The following PRKACB variants were observed in gnomAD, a reference collection of about 807,000 sequenced individuals.
PRKACB encodes the protein protein kinase cAMP-activated catalytic subunit beta.
PRKACB carries 16 observed loss-of-function variants against 51.4 expected under a neutral mutation model. The ratio of observed to expected loss-of-function variants is 0.31; its 90% CI spans 0.21 to 0.47. The LOEUF (loss-of-function observed/expected upper bound fraction) is 0.47, where lower values mean the gene tolerates loss of function less well. PRKACB is among the 20% of genes least tolerant of loss of function. PRKACB has a pLI of 1.00. For missense variants in PRKACB, 309 were observed against 464.5 expected (o/e 0.67, Z 3.08); for synonymous variants, 147 against 154.4 (o/e 0.95, Z 0.35).
intron 5 of PRKACB, among the ~76,000 whole-genome samples, chr1:84,186,220 T>C (rs967486708): frequency 1.8e-4 from 1 of 5,566 alleles, no homozygotes; most frequent in Non-Finnish European, 2.3e-3. Flanking sequence ...TTTTTGTTTG[T>C]TTTTGGTTTT....
chr1:84,144,747 G>C (rs1653811496), intron 1 of PRKACB, among the ~76,000 whole-genome samples, 199 bp downstream of exon 1: 1 of 151,984 alleles, frequency 6.6e-6, no homozygotes, highest in South Asian at 2.1e-4. Flanking sequence ...ATCATTGTAT[G>C]GTTTTATTTT....
intron 1 of PRKACB, among the ~76,000 whole-genome samples, chr1:84,152,234 A>G (rs1162367468): frequency 6.6e-6 from 1 of 152,200 alleles, no homozygotes; most frequent in Non-Finnish European, 1.5e-5. Flanking sequence ...CAATGCTGCA[A>G]ACAGATATGG....
At chr1:84,166,067 T>A (rs570606725) in intron 1 of PRKACB, among the ~76,000 whole-genome samples, 2 of 151,832 alleles carry the variant, frequency 1.3e-5, no homozygotes, top group Admixed American at 6.6e-5. Flanking sequence ...CCTGCTACAG[T>A]ACAATATAAA....
chr1:84,235,681 A>G lies in PRKACB; in HGVS notation c.*376A>G, dbSNP rs575741094. On this transcript the variant is annotated 3_prime_UTR_variant, in exon 10 of 10. Transcript: ENST00000370685. ...GGCTACGTGATATTTGAAGGGAAGG[A>G]TAAGTGTTGCTTTCAGTAGTTATTG... is the stretch of plus-strand genomic sequence containing the variant. 3.7e-5 allele frequency: 6 copies of G among 164,266 alleles called. No individual in the cohort carries two copies. In the South Asian group the frequency reaches 1.1e-3, roughly 30 times the overall value. 10.2% of individuals were successfully genotyped at this position (164,266 alleles called of 1,614,324 possible). A position where few individuals can be genotyped will look rare whatever the true frequency, so the allele number is the denominator to read the frequency against.
intron 1 of PRKACB, among the ~76,000 whole-genome samples, chr1:84,127,349 C>T (rs1651709377): frequency 6.6e-6 from 1 of 152,042 alleles, no homozygotes; most frequent in Non-Finnish European, 1.5e-5. Context: ...CTTAAAATTA[C>T]CTATACGACA....
chr1:84,079,137 G>A (rs1405306835), intron 1 of PRKACB, among the ~76,000 whole-genome samples: 3 of 151,826 alleles, frequency 2.0e-5, no homozygotes, highest in African/African-American at 7.3e-5. Context: ...TTTCTGTATG[G>A]CGATAAGGTG....
At chr1:84,233,234 T>A (rs374518761) in intron 9 of PRKACB, among the ~76,000 whole-genome samples, 2 of 152,054 alleles carry the variant, frequency 1.3e-5, no homozygotes, top group African/African-American at 4.8e-5. Context: ...GAATGTTGAA[T>A]ATTGGCACCC....
chr1:84,169,569 T>C (rs888311284), intron 1 of PRKACB, among the ~76,000 whole-genome samples: 1 of 151,562 alleles, frequency 6.6e-6, no homozygotes, highest in Non-Finnish European at 1.5e-5. Flanking sequence ...ATAAAAATTA[T>C]AAGATGGAAA....
chr1:84,216,193 T>C (rs1198352426), intron 9 of PRKACB, among the ~76,000 whole-genome samples: 1 of 151,782 alleles, frequency 6.6e-6, no homozygotes, highest in Non-Finnish European at 1.5e-5. Flanking sequence ...ACAAAAATTA[T>C]CTGGGTATGA....
chr1:84,226,126 C>A (rs1328570407), intron 9 of PRKACB, among the ~76,000 whole-genome samples: 2 of 152,104 alleles, frequency 1.3e-5, no homozygotes, highest in African/African-American at 4.8e-5. Context: ...CCCTTGTTTA[C>A]CCTTTCCAAA....
chr1:84,182,287 A>G lies in PRKACB; in HGVS notation c.337A>G (p.Thr113Ala). 6.2e-7 allele frequency: 1 copy of G among 1,605,004 alleles called. No homozygotes were observed. The highest frequency in any genetic ancestry group is 2.3e-5 in the East Asian group (1 of 44,296). ...GRVMLVKHKA[T>A]EQYYAMKILD... ...AGTCATGTTGGTAAAACACAAAGCC[A>G]CTGAACAGTATTATGCCATGAAGAT... is the stretch of plus-strand genomic sequence containing the variant. Residue 113 changes from threonine (T) to alanine (A), a missense_variant, in exon 3 of 10, where the codon ACT (threonine) becomes GCT (alanine). This residue lies in a region of PRKACB where 153 missense variants were observed against 190.2 expected (regional missense o/e 0.80). Coordinates refer to ENST00000370685, the MANE Select transcript of PRKACB (RefSeq NM_182948.4).
At chr1:84,144,770 A>G (rs1324638899) in intron 1 of PRKACB, among the ~76,000 whole-genome samples, 1 of 152,144 alleles carries the variant, frequency 6.6e-6, no homozygotes. Flanking sequence ...ACTAAGTTCA[A>G]TATCAGTGAC....
intron 1 of PRKACB, among the ~76,000 whole-genome samples, chr1:84,170,174 G>A (rs992419917): frequency 3.3e-5 from 5 of 151,568 alleles, no homozygotes; most frequent in African/African-American, 1.2e-4. Flanking sequence ...TTTAGACCTT[G>A]GTGGGGCTTT....
In PRKACB at chr1:84,198,892, GTATA is replaced by G. The variant is rs923510581; in HGVS notation, c.783+1075_783+1078del. Among the ~76,000 whole-genome samples the G allele has an allele frequency of 1.4e-4, 20 of 146,354 alleles. No homozygotes were observed. The South Asian group carries it at 2.6e-3, about 19-fold the overall frequency. On this transcript the variant is annotated intron_variant, in intron 7 of 9. Coordinates refer to ENST00000370685, the MANE Select transcript of PRKACB (RefSeq NM_182948.4). ...ACACCACATATATGTGTATATATGT[GTATA>G]TATATACACATATGTGTGGTGTGTG...
At chr1:84,202,110 G>A (rs1670292863) in intron 7 of PRKACB, among the ~76,000 whole-genome samples, 1 of 152,006 alleles carries the variant, frequency 6.6e-6, no homozygotes, top group Admixed American at 6.6e-5. Flanking sequence ...ATATTTACAT[G>A]AATTGAATTT....
chr1:84,165,497 C>A (rs186721071), intron 1 of PRKACB, among the ~76,000 whole-genome samples: 1 of 151,608 alleles, frequency 6.6e-6, no homozygotes, highest in South Asian at 2.1e-4. Context: ...CTTTTACCTA[C>A]AATTTATTGA....
intron 1 of PRKACB, among the ~76,000 whole-genome samples, chr1:84,083,055 A>G (rs1647675155): frequency 6.6e-6 from 1 of 152,226 alleles, no homozygotes; most frequent in African/African-American, 2.4e-5. Context: ...GCTGTACTAG[A>G]AATAAAATTT....
intron 1 of PRKACB, among the ~76,000 whole-genome samples, chr1:84,173,515 G>A (rs977594078): frequency 1.3e-5 from 2 of 151,496 alleles, no homozygotes; most frequent in African/African-American, 4.8e-5. Context: ...GAGGGGGAGA[G>A]TATTTTTAGA....
At chr1:84,136,165 A>G (rs1023502041) in intron 1 of PRKACB, among the ~76,000 whole-genome samples, 8 of 151,976 alleles carry the variant, frequency 5.3e-5, no homozygotes, top group African/African-American at 1.9e-4. Context: ...AATTCCTACA[A>G]ACTATCAAAA....
Sources: gnomAD v4.1 joint callset for allele counts (sites outside exome capture counted in the v4.1 genomes callset) on GRCh38, gnomAD v4.1.1 for gene constraint, gnomAD v4.1.1 regional missense constraint, MANE v1.5 for transcripts, NCBI Gene and HGNC (gene_info 2026-07-23, HGNC 2026-07-21) for gene names.